Variants in IFT81 observed in about 807,000 individuals in gnomAD.
IFT81 encodes the protein intraflagellar transport protein 81 homolog.
IFT81 carries 72 observed loss-of-function variants against 102.6 expected under a neutral mutation model. That is an observed-to-expected ratio of 0.70 (90% CI 0.58 to 0.85). IFT81 has a LOEUF of 0.85. Among genes scored for constraint, IFT81 ranks in the 40% least tolerant of loss-of-function variants. The pLI, the probability that IFT81 is intolerant of heterozygous loss-of-function variation, is 0.00. For synonymous variants in IFT81, 237 were observed against 242.7 expected (o/e 0.98, Z 0.22); for missense variants, 723 against 787.3 (o/e 0.92, Z 0.98).
At position 110,218,168 on chromosome 12, in the gene IFT81, G is replaced by A. The variant is rs192832044; in HGVS notation, c.1973G>A (p.Ser658Asn). The change falls in exon 19 of 19, where the codon AGC (serine) becomes AAC (asparagine). Residue 658 changes from serine (S) to asparagine (N), a missense_variant. Coordinates refer to ENST00000242591, the MANE Select transcript of IFT81 (RefSeq NM_014055.4). ...CKKQCFLKQQ[S>N]QTSIGQVIQE... ...AAACAGTGCTTTCTGAAACAACAAAGCCAAACTTCCATTGGTCAGGTAATT... is the reference window on the plus strand; with the variant it reads ...AAACAGTGCTTTCTGAAACAACAAAACCAAACTTCCATTGGTCAGGTAATT... The A allele has an allele frequency of 6.4e-5, 102 of 1,585,770 alleles. No individual in the cohort carries two copies. Among genetic ancestry groups the A allele is most frequent in the Admixed American group, 1.4e-4 (7 of 51,804 alleles).
intron 11 of IFT81, among the ~76,000 whole-genome samples, chr12:110,174,745 G>A (rs1462435282): frequency 6.6e-6 from 1 of 152,080 alleles, no homozygotes; most frequent in East Asian, 1.9e-4. Context: ...AGCTAGCCCA[G>A]ATTCTGATCA....
chr12:110,214,557 G>T (rs1245706338), intron 18 of IFT81, among the ~76,000 whole-genome samples: 1 of 152,024 alleles, frequency 6.6e-6, no homozygotes, highest in Non-Finnish European at 1.5e-5. Context: ...CTCCTTTAAA[G>T]AACAATGAAA....
Position 110,209,183 on chromosome 12 carries a change from C to A in IFT81, c.1815C>A (p.Thr605=). ...GTTGACTCCCTAGGGAACAGTATAC[C>A]AAAAATACTGCTGAACAAGAAAACC... ...EKRKAIREQY[T]KNTAEQENLG... is the part of the protein sequence containing the mutation. The change falls in exon 18 of 19, where the codon ACC becomes ACA. Residue 605 remains threonine, a synonymous_variant. Transcript: ENST00000242591. 6.5e-7 allele frequency: 1 copy of A among 1,546,852 alleles called. No homozygotes were observed. The highest frequency in any genetic ancestry group is 8.9e-7 in the Non-Finnish European group (1 of 1,123,784).
intron 10 of IFT81, 90 bp from the exon 11 acceptor site, chr12:110,162,828 CT>C (rs1896210838): frequency 2.6e-6 from 3 of 1,150,720 alleles, no homozygotes; most frequent in Non-Finnish European, 3.6e-6. Flanking sequence ...GAAAATATAA[CT>C]TGGTAAAATC....
chr12:110,177,160 G>C (rs1195213048), intron 11 of IFT81, among the ~76,000 whole-genome samples: 1 of 152,162 alleles, frequency 6.6e-6, no homozygotes, highest in Non-Finnish European at 1.5e-5. Flanking sequence ...TGTGGTGTGA[G>C]GGCTGGATTC....
At chr12:110,214,586 T>G (rs1323609739) in intron 18 of IFT81, among the ~76,000 whole-genome samples, 1 of 152,228 alleles carries the variant, frequency 6.6e-6, no homozygotes, top group Non-Finnish European at 1.5e-5. Flanking sequence ...TAGTAATTTT[T>G]GTACATTGCA....
At chr12:110,202,320 G>A (rs936517378) in intron 14 of IFT81, among the ~76,000 whole-genome samples, 4 of 152,160 alleles carry the variant, frequency 2.6e-5, no homozygotes, top group African/African-American at 9.7e-5. Flanking sequence ...TGTAGCAGGA[G>A]ATTTTCAAAT....
intron 7 of IFT81, 30 bp from the exon 8 acceptor site, chr12:110,136,746 G>A (rs769570605): frequency 7.2e-7 from 1 of 1,388,992 alleles, no homozygotes; most frequent in South Asian, 1.2e-5. Context: ...AGTAGACTAA[G>A]CAAGTAATCT....
At chr12:110,131,319 A>G (rs1305366862) in intron 4 of IFT81, among the ~76,000 whole-genome samples, 2 of 151,824 alleles carry the variant, frequency 1.3e-5, no homozygotes, top group Admixed American at 1.3e-4. Flanking sequence ...AAAAATTTTT[A>G]GGTAACAGGA....
chr12:110,132,222 T>C (rs1490252143), intron 4 of IFT81, among the ~76,000 whole-genome samples: 1 of 152,142 alleles, frequency 6.6e-6, no homozygotes, highest in Non-Finnish European at 1.5e-5. Context: ...CCCAGCACTT[T>C]GGGAGGCCAA....
At chr12:110,166,432 T>G in intron 11 of IFT81, among the ~76,000 whole-genome samples, 1 of 152,134 alleles carries the variant, frequency 6.6e-6, no homozygotes, top group East Asian at 1.9e-4. Context: ...TCTTGAGCAC[T>G]TAAAAAATAT....
chr12:110,176,129 C>A (rs928822533), intron 11 of IFT81, among the ~76,000 whole-genome samples: 1 of 152,110 alleles, frequency 6.6e-6, no homozygotes, highest in Non-Finnish European at 1.5e-5. Flanking sequence ...AGCCCCTAAT[C>A]CCATCATTGC....
chr12:110,212,614 G>C (rs1869604050), intron 18 of IFT81, among the ~76,000 whole-genome samples: 1 of 150,748 alleles, frequency 6.6e-6, no homozygotes, highest in African/African-American at 2.4e-5. Flanking sequence ...AGGTGGGTGG[G>C]TCACCTGAGG....
At chr12:110,198,135 A>T in intron 14 of IFT81, among the ~76,000 whole-genome samples, 1 of 151,938 alleles carries the variant, frequency 6.6e-6, no homozygotes, top group East Asian at 1.9e-4. Flanking sequence ...TTTCACCATC[A>T]CTGCTTGTAT....
intron 12 of IFT81, among the ~76,000 whole-genome samples, chr12:110,182,555 G>T (rs1897349028): frequency 6.6e-6 from 1 of 152,108 alleles, no homozygotes; most frequent in Non-Finnish European, 1.5e-5. Context: ...AGTTAAAACT[G>T]GGCATGGGAG....
At chr12:110,216,041 A>C (rs1053072366) in intron 18 of IFT81, among the ~76,000 whole-genome samples, 1 of 152,242 alleles carries the variant, frequency 6.6e-6, no homozygotes, top group African/African-American at 2.4e-5. Context: ...AAGATAGAAT[A>C]TAACATTTAA....
intron 3 of IFT81, among the ~76,000 whole-genome samples, chr12:110,128,427 T>G (rs1271505484): frequency 6.7e-6 from 1 of 150,010 alleles, no homozygotes; most frequent in Non-Finnish European, 1.5e-5. Flanking sequence ...ACAACTTCCT[T>G]GGATATGCCA....
intron 17 of IFT81, among the ~76,000 whole-genome samples, chr12:110,206,695 AT>A (rs1037426100): frequency 7.9e-5 from 12 of 151,462 alleles, no homozygotes; most frequent in Non-Finnish European, 1.5e-4. Context: ...AAAAAAAAAA[AT>A]CTAAGAAATA....
At chr12:110,217,920 G>T in intron 18 of IFT81, 124 bp from the exon 19 acceptor site, 2 of 662,178 alleles carry the variant, frequency 3.0e-6, no homozygotes, top group Non-Finnish European at 5.0e-6. Context: ...ACATTATAGA[G>T]TATGTGGTTT....
Sources: allele counts gnomAD v4.1 joint callset (sites outside exome capture counted in the v4.1 genomes callset), GRCh38; gene constraint gnomAD v4.1.1; transcripts MANE v1.5; gene names NCBI Gene and HGNC (gene_info 2026-07-23, HGNC 2026-07-21).